Variants in COPG2 observed in about 807,000 individuals in gnomAD.
COPG2 encodes coatomer subunit gamma-2.
A neutral mutation model predicts 46.3 loss-of-function variants in COPG2; 37 were observed. The ratio of observed to expected loss-of-function variants is 0.80; its 90% CI spans 0.61 to 1.05. The LOEUF (loss-of-function observed/expected upper bound fraction) is 1.05, where lower values mean the gene tolerates loss of function less well. Ranked by LOEUF, COPG2 falls within the 50% of genes least tolerant of loss-of-function variation. The pLI is 0.00. For missense variants in COPG2, 427 were observed against 387.8 expected (o/e 1.10, Z -0.85); for synonymous variants, 159 against 129.7 (o/e 1.23, Z -1.53).
chr7:130,611,097 C>T lies in COPG2; in HGVS notation c.593G>A (p.Gly198Glu). The T allele has an allele frequency of 6.2e-7, 1 of 1,613,360 alleles. No homozygotes were observed. The highest frequency in any genetic ancestry group is 1.1e-5 in the South Asian group (1 of 91,064). Reference protein sequence around the residue: ...DNIMVQYHALGVLYHLRKNDR... With the variant: ...DNIMVQYHALEVLYHLRKNDR... ...ATTCTTTCTAAGGTGATACAGGACTCCCAATGCATGGTACTAAAGAACATG... is the reference window on the plus strand; with the variant it reads ...ATTCTTTCTAAGGTGATACAGGACTTCCAATGCATGGTACTAAAGAACATG... Residue 198 changes from glycine to glutamate, a missense_variant, in exon 9 of 24, where the codon GGA (glycine) becomes GAA (glutamate). Coordinates refer to ENST00000425248, the MANE Select transcript of COPG2 (RefSeq NM_012133.6).
chr7:130,619,499 C>T (rs989534698), intron 5 of COPG2, among the ~76,000 whole-genome samples: 6 of 152,116 alleles, frequency 3.9e-5, no homozygotes, highest in Non-Finnish European at 7.4e-5. Context: ...CTCTCATCTG[C>T]CCTCCCGTGT....
chr7:130,632,290 T>C (rs1253413269), intron 5 of COPG2, among the ~76,000 whole-genome samples: 1 of 152,222 alleles, frequency 6.6e-6, no homozygotes, highest in Admixed American at 6.5e-5. Flanking sequence ...TGTTCCACTG[T>C]TTTTAGACTT....
intron 5 of COPG2, among the ~76,000 whole-genome samples, chr7:130,643,111 A>G (rs1157911921): frequency 6.6e-6 from 1 of 152,010 alleles, no homozygotes. Context: ...CCTGGCTAAC[A>G]TGGTGAAACC....
At chr7:130,526,133 A>C (rs1799772063) in intron 20 of COPG2, among the ~76,000 whole-genome samples, 1 of 152,144 alleles carries the variant, frequency 6.6e-6, no homozygotes, top group Non-Finnish European at 1.5e-5. Context: ...ATGGGACAGA[A>C]AGAAAAAAGA....
chr7:130,667,445 T>C (rs1429943956), intron 2 of COPG2, 37 bp downstream of exon 2: 9 of 1,575,804 alleles, frequency 5.7e-6, no homozygotes, highest in African/African-American at 2.7e-5. Context: ...TAAAACAGAA[T>C]AGAAAAGAAA....
At chr7:130,609,148 T>C (rs535662922) in intron 9 of COPG2, among the ~76,000 whole-genome samples, 2 of 152,278 alleles carry the variant, frequency 1.3e-5, no homozygotes, top group South Asian at 2.1e-4. Context: ...CCCAAAGTGC[T>C]AGGATTACAG....
chr7:130,545,296 A>G (rs1269479353), intron 20 of COPG2, among the ~76,000 whole-genome samples: 1 of 152,166 alleles, frequency 6.6e-6, no homozygotes, highest in Non-Finnish European at 1.5e-5. Flanking sequence ...TCATCTGTCT[A>G]TCAAACCCAT....
At chr7:130,525,002 C>T (rs1424981562) in intron 20 of COPG2, among the ~76,000 whole-genome samples, 4 of 151,830 alleles carry the variant, frequency 2.6e-5, no homozygotes, top group Admixed American at 1.3e-4. Context: ...ATGCTGAAGA[C>T]GAAGTGGAGG....
chr7:130,590,239 G>C (rs1208026092), intron 9 of COPG2, among the ~76,000 whole-genome samples: 10 of 149,618 alleles, frequency 6.7e-5, no homozygotes, highest in Non-Finnish European at 8.9e-5. Context: ...CTCTCCCCAC[G>C]GTCTCCCTCT....
chr7:130,623,508 T>C (rs1199966195), intron 5 of COPG2, among the ~76,000 whole-genome samples: 1 of 152,220 alleles, frequency 6.6e-6, no homozygotes, highest in Non-Finnish European at 1.5e-5. Context: ...CTCTCCCCTC[T>C]ACCCAATCCC....
chr7:130,525,695 T>C (rs2116351712), intron 20 of COPG2, among the ~76,000 whole-genome samples: 1 of 151,842 alleles, frequency 6.6e-6, no homozygotes, highest in South Asian at 2.1e-4. Context: ...CAAGGGAGAG[T>C]CTCAAACACA....
rs781861646 is a variant in COPG2 at position 130,507,731 on chromosome 7, A to C, written c.2340T>G (p.Phe780Leu). The change falls in exon 22 of 24, where the codon TTT (phenylalanine) becomes TTG (leucine). Residue 780 changes from phenylalanine (F) to leucine (L), a missense_variant. Transcript: ENST00000425248. ...AAAWEEVGDT[F>L]EKEETFALSS... ...TGAGGGCAAAGGTTTCCTCTTTCTC[A>C]AAGGTATCTCCCACCTCTTCCCAAG... is the stretch of plus-strand genomic sequence containing the variant. 1 of 780,472 alleles carries C rather than the reference A, an allele frequency of 1.3e-6. No individual in the cohort carries two copies. The highest frequency in any genetic ancestry group is 2.4e-6 in the Non-Finnish European group (1 of 417,892). 48.3% of individuals were successfully genotyped at this position (780,472 alleles called of 1,614,324 possible).
chr7:130,646,995 A>G lies in COPG2; in HGVS notation c.323+5874T>C, dbSNP rs13238951. Among the ~76,000 whole-genome samples the G allele has an allele frequency of 3.0e-3, 114 of 38,506 alleles. 1 individual carries two copies. Among genetic ancestry groups the G allele is most frequent in the African/African-American group, 5.9e-3 (108 of 18,456 alleles). The allele number at this position is 38,506 out of a possible 152,430, so 25.3% of individuals were successfully genotyped here. On this transcript the variant is annotated intron_variant, in intron 5 of 23. Transcript: ENST00000425248. ...TGTATATATATATGTATATATATAT[A>G]TGTGTATATATATATGTATATATAT...
chr7:130,576,960 G>C (rs531279934), intron 9 of COPG2, among the ~76,000 whole-genome samples: 29 of 152,056 alleles, frequency 1.9e-4, no homozygotes, highest in Non-Finnish European at 2.9e-5. Flanking sequence ...AAATACAAAT[G>C]ATCATTCAAA....
At chr7:130,587,410 G>T (rs1554448154) in intron 9 of COPG2, among the ~76,000 whole-genome samples, 3 of 152,174 alleles carry the variant, frequency 2.0e-5, no homozygotes, top group African/African-American at 7.2e-5. Context: ...GTTGGATATT[G>T]TTACTACAAA....
chr7:130,591,828 C>A (rs1196137941), intron 9 of COPG2, among the ~76,000 whole-genome samples: 3 of 150,482 alleles, frequency 2.0e-5, no homozygotes, highest in African/African-American at 4.9e-5. Flanking sequence ...AGGTGAGGGG[C>A]GCCTCTGTCC....
chr7:130,573,872 T>C (rs1793955758), intron 9 of COPG2, among the ~76,000 whole-genome samples: 1 of 152,154 alleles, frequency 6.6e-6, no homozygotes. Flanking sequence ...GATAAAGACA[T>C]AGAAAACTGA....
At chr7:130,524,815 G>T (rs1009122507) in intron 20 of COPG2, among the ~76,000 whole-genome samples, 2 of 152,142 alleles carry the variant, frequency 1.3e-5, no homozygotes, top group Non-Finnish European at 2.9e-5. Context: ...TGAAGGGTGT[G>T]GTGAGATGAT....
intron 5 of COPG2, among the ~76,000 whole-genome samples, chr7:130,625,683 T>C (rs1184619637): frequency 6.6e-6 from 1 of 152,056 alleles, no homozygotes; most frequent in Non-Finnish European, 1.5e-5. Context: ...TTTTTTTTTT[T>C]ACCAACTTAG....
Sources: allele counts gnomAD v4.1 joint callset (sites outside exome capture counted in the v4.1 genomes callset), GRCh38; gene constraint gnomAD v4.1.1; transcripts MANE v1.5; gene names NCBI Gene and HGNC (gene_info 2026-07-23, HGNC 2026-07-21).